The following IL1RL2 variants were observed in gnomAD, a reference collection of about 807,000 sequenced individuals.
IL1RL2 encodes the protein interleukin 1 receptor like 2.
In IL1RL2, 68 loss-of-function variants were observed where a neutral mutation model predicts 66.8. That is an observed-to-expected ratio of 1.02 (90% CI 0.84 to 1.25). The LOEUF is 1.25. IL1RL2 is among the 50% of genes most tolerant of loss of function. The probability of loss-of-function intolerance (pLI) is 0.00; values close to 1 mark genes in which losing one functional copy is unlikely to be tolerated. For missense variants in IL1RL2, 729 were observed against 709.3 expected (o/e 1.03, Z -0.32); for synonymous variants, 305 against 264.6 (o/e 1.15, Z -1.48).
intron 4 of IL1RL2, among the ~76,000 whole-genome samples, chr2:102,195,566 T>C (rs540865334): frequency 0.01 from 113 of 10,904 alleles, 3 homozygotes; most frequent in Middle Eastern, 0.038. Context: ...TTTCTCTTTC[T>C]TTCTTTCTTT....
downstream of IL1RL2, among the ~76,000 whole-genome samples, chr2:102,240,393 C>T (rs976473779): frequency 1.4e-5 from 1 of 72,846 alleles, no homozygotes; most frequent in Non-Finnish European, 2.5e-5. Flanking sequence ...TTTTTTGAGA[C>T]AGAGTTTCGC....
chr2:102,218,989 C>T lies in IL1RL2; in HGVS notation c.761C>T (p.Thr254Ile), dbSNP rs1343048499. Residue 254 changes from threonine to isoleucine, a missense_variant, in exon 7 of 12, where the codon ACC (threonine) becomes ATC (isoleucine). Transcript: ENST00000264257. ...ATTGTGGACTGCAATGTAACAGACACCAAGGATAATACAAATCTACGATGC... is the reference window on the plus strand; with the variant it reads ...ATTGTGGACTGCAATGTAACAGACATCAAGGATAATACAAATCTACGATGC... Reference protein sequence around the residue: ...TLIVDCNVTDTKDNTNLRCWR... With the variant: ...TLIVDCNVTDIKDNTNLRCWR... The T allele has an allele frequency of 6.2e-7, 1 of 1,613,292 alleles. No individual in the cohort carries two copies. The highest frequency in any genetic ancestry group is 1.1e-5 in the South Asian group (1 of 91,064).
intron 4 of IL1RL2, among the ~76,000 whole-genome samples, chr2:102,193,899 T>C (rs1195246351): frequency 6.6e-6 from 1 of 152,172 alleles, no homozygotes; most frequent in Non-Finnish European, 1.5e-5. Flanking sequence ...TTGTGACTTA[T>C]AGGAGATTTT....
At chr2:102,192,889 G>A (rs1463632208) in intron 4 of IL1RL2, among the ~76,000 whole-genome samples, 2 of 152,124 alleles carry the variant, frequency 1.3e-5, no homozygotes, top group South Asian at 2.1e-4. Flanking sequence ...TTTCTCTTGT[G>A]TGAGTTTGGT....
At chr2:102,240,448 G>A (rs1056531675), downstream of IL1RL2, among the ~76,000 whole-genome samples, 8 of 140,754 alleles carry the variant, frequency 5.7e-5, no homozygotes, top group Non-Finnish European at 1.1e-4. Context: ...CACCGAGCCC[G>A]GTCAAGGCTT....
chr2:102,223,055 A>G (rs2104847939), intron 8 of IL1RL2, among the ~76,000 whole-genome samples: 1 of 152,310 alleles, frequency 6.6e-6, no homozygotes. Flanking sequence ...CAGTTAGTTA[A>G]CACCTGTCAA....
Position 102,201,678 on chromosome 2 carries a change from G to A in IL1RL2, c.612G>A (p.Lys204=), listed in dbSNP as rs1277556929. The change falls in exon 5 of 12, where the codon AAG becomes AAA. Residue 204 remains lysine (K), a synonymous_variant. Transcript: ENST00000264257. ...AAGCCATACTGACACACTCAGGGAAGCAGTACGAGGTTTTAAATGGCATCA... is the reference window on the plus strand; with the variant it reads ...AAGCCATACTGACACACTCAGGGAAACAGTACGAGGTTTTAAATGGCATCA... ...ACQAILTHSG[K]QYEVLNGITV... 7 of 1,613,948 alleles carry A rather than the reference G, an allele frequency of 4.3e-6. No homozygotes were observed. Among genetic ancestry groups the A allele is most frequent in the Non-Finnish European group, 5.9e-6 (7 of 1,179,970 alleles).
At chr2:102,242,034 C>T, downstream of IL1RL2, among the ~76,000 whole-genome samples, 1 of 152,282 alleles carries the variant, frequency 6.6e-6, no homozygotes, top group Non-Finnish European at 1.5e-5. Flanking sequence ...TTCATGAAAA[C>T]ATAGAGCAGT....
chr2:102,192,457 G>T (rs1687314921), intron 4 of IL1RL2, among the ~76,000 whole-genome samples: 1 of 151,980 alleles, frequency 6.6e-6, no homozygotes, highest in South Asian at 2.1e-4. Flanking sequence ...ATTCTAAGAG[G>T]TCACCCCCTG....
At position 102,219,867 on chromosome 2, in the gene IL1RL2, CTT is replaced by C; in HGVS notation, c.855-11_855-10del. 6.3e-7 allele frequency: 1 copy of C among 1,596,200 alleles called. No homozygotes were observed. The highest frequency in any genetic ancestry group is 8.6e-7 in the Non-Finnish European group (1 of 1,164,854). On this transcript the variant is annotated splice_polypyrimidine_tract_variant and intron_variant, in intron 7 of 11. Coordinates refer to ENST00000264257, the MANE Select transcript of IL1RL2 (RefSeq NM_003854.4). ...CTGACTCATGTATTAATGACTTACT[CTT>C]TTCTTTTATAGAACCCATGTCTCTT...
chr2:102,237,735 A>G (rs1228102590), intron 11 of IL1RL2, among the ~76,000 whole-genome samples: 12 of 152,354 alleles, frequency 7.9e-5, no homozygotes, highest in East Asian at 7.7e-4. Context: ...GTAGCCTGGC[A>G]TCACCGCTGA....
chr2:102,229,714 A>T (rs1690950103), intron 9 of IL1RL2, among the ~76,000 whole-genome samples: 1 of 152,264 alleles, frequency 6.6e-6, no homozygotes. Flanking sequence ...TTTTGAGAAC[A>T]TCAGCAAGTT....
intron 6 of IL1RL2, among the ~76,000 whole-genome samples, chr2:102,212,696 C>T (rs546520262): frequency 7.9e-5 from 12 of 152,226 alleles, no homozygotes; most frequent in Admixed American, 2.0e-4. Context: ...TGGCCAGGCA[C>T]GGTGGCTCAC....
chr2:102,195,619 TTCTTTCTTTC>T lies in IL1RL2; in HGVS notation c.489+3503_489+3512del, dbSNP rs1183473880. 4.6e-3 allele frequency among the ~76,000 whole-genome samples: 65 copies of T among 14,214 alleles called. 2 individuals carry two copies. The highest frequency in any genetic ancestry group is 6.2e-3 in the East Asian group (2 of 322). The allele number at this position is 14,214 out of a possible 152,430, so 9.3% of individuals were successfully genotyped here. A position where few individuals can be genotyped will look rare whatever the true frequency, so the allele number is the denominator to read the frequency against. On this transcript the variant is annotated intron_variant, in intron 4 of 11. Coordinates refer to ENST00000264257, the MANE Select transcript of IL1RL2 (RefSeq NM_003854.4). ...TTTCTTTCTTTCTTTCTTTCTTTCT[TTCTTTCTTTC>T]TCTCTCTCTCTCTCTCTCTTTCTTT...
chr2:102,190,739 G>A (rs1346516740), intron 3 of IL1RL2, among the ~76,000 whole-genome samples: 1 of 152,212 alleles, frequency 6.6e-6, no homozygotes, highest in Non-Finnish European at 1.5e-5. Context: ...TAGTAGCCTA[G>A]GCTGTGAATT....
At chr2:102,189,025 C>A (rs1173743869) in intron 2 of IL1RL2, 51 bp from the exon 3 acceptor site, 2 of 1,390,352 alleles carry the variant, frequency 1.4e-6, no homozygotes, top group East Asian at 2.3e-5. Context: ...GTAAATAAAA[C>A]TGAAGTTTTC....
chr2:102,238,219 C>G (rs1049563649), intron 11 of IL1RL2, among the ~76,000 whole-genome samples: 1 of 152,012 alleles, frequency 6.6e-6, no homozygotes, highest in Non-Finnish European at 1.5e-5. Context: ...GCTGGGTTAC[C>G]TTTACATTCA....
At chr2:102,191,544 G>T (rs763310319) in intron 3 of IL1RL2, among the ~76,000 whole-genome samples, 1 of 152,184 alleles carries the variant, frequency 6.6e-6, no homozygotes, top group Non-Finnish European at 1.5e-5. Context: ...TTTAAGAACT[G>T]TAAGCAATTA....
At chr2:102,226,126 T>G in intron 9 of IL1RL2, 85 bp downstream of exon 9, 3 of 1,163,630 alleles carry the variant, frequency 2.6e-6, no homozygotes, top group Non-Finnish European at 3.5e-6. Flanking sequence ...CTTTGTCATA[T>G]TTTACTACGT....
Sources: allele counts gnomAD v4.1 joint callset (sites outside exome capture counted in the v4.1 genomes callset), GRCh38; gene constraint gnomAD v4.1.1; transcripts MANE v1.5; gene names NCBI Gene and HGNC (gene_info 2026-07-23, HGNC 2026-07-21).